Variants in NRG3 observed in about 807,000 individuals in gnomAD.
NRG3 encodes the protein pro-neuregulin-3, membrane-bound isoform.
A neutral mutation model predicts 66.9 loss-of-function variants in NRG3; 31 were observed. The observed-to-expected ratio is 0.46, with a 90% CI of 0.35 to 0.63. The LOEUF (loss-of-function observed/expected upper bound fraction) is 0.63. Among genes scored for constraint, NRG3 ranks in the 20% least tolerant of loss-of-function variants. The pLI is 0.00. For synonymous variants in NRG3, 393 were observed against 359.4 expected, an observed-to-expected ratio of 1.09 and a Z score of -1.06; for missense variants, 910 against 878.9, an observed-to-expected ratio of 1.04 and a Z score of -0.45.
At chr10:82,605,441 G>A (rs904293152) in intron 2 of NRG3, among the ~76,000 whole-genome samples, 32 of 151,706 alleles carry the variant, frequency 2.1e-4, no homozygotes, top group African/African-American at 4.1e-4. Flanking sequence ...ACTTGTTTGC[G>A]GTATAGAATT....
intron 1 of NRG3, among the ~76,000 whole-genome samples, chr10:82,330,226 T>A (rs2082077896): frequency 6.6e-6 from 1 of 152,186 alleles, no homozygotes; most frequent in Non-Finnish European, 1.5e-5. Context: ...AAAGAAAAAT[T>A]AGAAGCTTCT....
At chr10:82,258,725 A>G (rs1373211163) in intron 1 of NRG3, among the ~76,000 whole-genome samples, 2 of 152,220 alleles carry the variant, frequency 1.3e-5, no homozygotes, top group South Asian at 2.1e-4. Flanking sequence ...CAGTTACAAC[A>G]AACCAAGAGA....
chr10:82,507,642 G>A (rs1253421568), intron 2 of NRG3, among the ~76,000 whole-genome samples: 2 of 152,170 alleles, frequency 1.3e-5, no homozygotes, highest in African/African-American at 4.8e-5. Flanking sequence ...TGACCTGGCA[G>A]TTTTGAGCCT....
chr10:82,817,194 T>C (rs1036565825), intron 3 of NRG3, among the ~76,000 whole-genome samples: 3 of 152,218 alleles, frequency 2.0e-5, no homozygotes, highest in South Asian at 2.1e-4. Context: ...TTCTGTATCA[T>C]TGTGGCCTTT....
intron 2 of NRG3, among the ~76,000 whole-genome samples, chr10:82,592,523 T>C (rs984724242): frequency 6.6e-6 from 1 of 152,174 alleles, no homozygotes; most frequent in Non-Finnish European, 1.5e-5. Context: ...TAGCTTGTAC[T>C]CTCAGTGAGA....
chr10:82,628,597 G>A (rs1044624493), intron 2 of NRG3, among the ~76,000 whole-genome samples: 2 of 151,400 alleles, frequency 1.3e-5, no homozygotes, highest in African/African-American at 4.9e-5. Context: ...ATGAACCTTG[G>A]TTGTTGACTT....
chr10:82,192,797 G>A (rs574989684), intron 1 of NRG3, among the ~76,000 whole-genome samples: 1 of 152,226 alleles, frequency 6.6e-6, no homozygotes, highest in Non-Finnish European at 1.5e-5. Context: ...CGAATCAAGT[G>A]GTAGGAAATG....
At chr10:82,062,563 G>A (rs1044551346) in intron 1 of NRG3, among the ~76,000 whole-genome samples, 12 of 151,196 alleles carry the variant, frequency 7.9e-5, no homozygotes, top group African/African-American at 2.7e-4. Context: ...CCAAGGTCAC[G>A]CTACTGCAGT....
chr10:82,428,867 C>T (rs1453662868), intron 2 of NRG3, among the ~76,000 whole-genome samples: 2 of 151,726 alleles, frequency 1.3e-5, no homozygotes, highest in Non-Finnish European at 2.9e-5. Context: ...TATCATTTTC[C>T]CACATATATT....
intron 3 of NRG3, among the ~76,000 whole-genome samples, chr10:82,794,446 A>G (rs914792011): frequency 3.3e-5 from 5 of 152,150 alleles, no homozygotes; most frequent in African/African-American, 1.2e-4. Context: ...CTAATTAGTT[A>G]CTATAAACTG....
At chr10:82,360,824 G>T (rs1168788960) in intron 2 of NRG3, among the ~76,000 whole-genome samples, 1 of 151,376 alleles carries the variant, frequency 6.6e-6, no homozygotes, top group African/African-American at 2.4e-5. Flanking sequence ...TCCTCTGTAG[G>T]TGTTTGTGTT....
chr10:82,777,896 G>A lies in NRG3; in HGVS notation c.1027+39246G>A, dbSNP rs574506720. Reference sequence around the variant, plus strand: ...TCCGGGGAGTAGGGGGCAATACAAAGGTATCTTCATTGCCCATGGAGGTGA... The same window carrying A: ...TCCGGGGAGTAGGGGGCAATACAAAAGTATCTTCATTGCCCATGGAGGTGA... On this transcript the variant is annotated intron_variant, in intron 3 of 8. Transcript: ENST00000372141. 4.1e-4 allele frequency among the ~76,000 whole-genome samples: 62 copies of A among 152,272 alleles called. 1 individual carries two copies. The highest frequency in any genetic ancestry group is 6.8e-3 in the Middle Eastern group (2 of 294).
chr10:82,281,071 A>G (rs184939539), intron 1 of NRG3, among the ~76,000 whole-genome samples: 2 of 152,352 alleles, frequency 1.3e-5, no homozygotes, highest in East Asian at 1.9e-4. Flanking sequence ...ATACTGAACT[A>G]TGGAAATAAC....
intron 1 of NRG3, among the ~76,000 whole-genome samples, chr10:82,350,350 G>T (rs539684036): frequency 6.6e-6 from 1 of 152,308 alleles, no homozygotes; most frequent in African/African-American, 2.4e-5. Flanking sequence ...CTTATTGTGT[G>T]TCAGGCTTTG....
intron 2 of NRG3, among the ~76,000 whole-genome samples, chr10:82,661,334 T>C (rs2052343732): frequency 6.6e-6 from 1 of 152,028 alleles, no homozygotes; most frequent in African/African-American, 2.4e-5. Context: ...CATATATATT[T>C]TAATATAATG....
At position 82,362,548 on chromosome 10, in the gene NRG3, G is replaced by GTTTTTTTTTTTTTTTTTTTT. The variant is rs10694679; in HGVS notation, c.953+3682_953+3701dup. On this transcript the variant is annotated intron_variant, in intron 2 of 8. Transcript: ENST00000372141. ...ACCACCATGCCCAGATAATTTCTGGGTTTTTTTTTTTTTTTTTTTTTCGTA... is the reference window on the plus strand; with the variant it reads ...ACCACCATGCCCAGATAATTTCTGGGTTTTTTTTTTTTTTTTTTTTTTTTTTTTTTTTTTTTTTTTTCGTA... Among the ~76,000 whole-genome samples the GTTTTTTTTTTTTTTTTTTTT allele has an allele frequency of 1.2e-3, 100 of 83,188 alleles. 15 individuals carry two copies. Among genetic ancestry groups the GTTTTTTTTTTTTTTTTTTTT allele is most frequent in the East Asian group, 1.5e-3 (4 of 2,658 alleles). 54.6% of individuals were successfully genotyped at this position (83,188 alleles called of 152,430 possible). A position where few individuals can be genotyped will look rare whatever the true frequency, so the allele number is the denominator to read the frequency against.
chr10:82,938,879 A>G (rs982805224), intron 4 of NRG3, among the ~76,000 whole-genome samples: 9 of 152,186 alleles, frequency 5.9e-5, no homozygotes, highest in Non-Finnish European at 1.3e-4. Flanking sequence ...AGTGAATCCT[A>G]AGTGATAAAA....
chr10:82,722,428 A>G (rs1485157189), intron 2 of NRG3, among the ~76,000 whole-genome samples: 1 of 152,264 alleles, frequency 6.6e-6, no homozygotes, highest in Non-Finnish European at 1.5e-5. Context: ...GTCATAGTCA[A>G]CAAAGCAAAG....
In NRG3 at chr10:82,527,313, A is replaced by T. The variant is rs1379194944; in HGVS notation, c.953+168445A>T. On this transcript the variant is annotated intron_variant, in intron 2 of 8. Transcript: ENST00000372141. The stretch of plus-strand genomic sequence containing the variant: ...AATGTAATTCCATGTATGTAAAATT[A>T]AAAAAAAAAATATTAGTAAATATAA... 2.5e-4 allele frequency among the ~76,000 whole-genome samples: 25 copies of T among 99,908 alleles called. 1 individual carries two copies. Among genetic ancestry groups the T allele is most frequent in the Admixed American group, 2.4e-3 (24 of 9,808 alleles). The allele number at this position is 99,908 out of a possible 152,430, so 65.5% of individuals were successfully genotyped here. A position where few individuals can be genotyped will look rare whatever the true frequency, so the allele number is the denominator to read the frequency against.
Sources: allele counts gnomAD v4.1 joint callset (sites outside exome capture counted in the v4.1 genomes callset), GRCh38; gene constraint gnomAD v4.1.1; transcripts MANE v1.5; gene names NCBI Gene and HGNC (gene_info 2026-07-23, HGNC 2026-07-21).